The following NEK10 variants were observed in gnomAD, a reference collection of about 807,000 sequenced individuals.
NEK10 encodes NIMA related kinase 10.
Under a neutral mutation model 159.8 loss-of-function variants are expected in NEK10, and 122 were observed. The observed-to-expected ratio is 0.76, with a 90% confidence interval of 0.66 to 0.89. NEK10 has a LOEUF of 0.89. NEK10 is among the 40% of genes least tolerant of loss of function. The pLI is 0.00. For synonymous variants in NEK10, 466 were observed against 457.1 expected (o/e 1.02, Z -0.25); for missense variants, 1,342 against 1,323.1 (o/e 1.01, Z -0.22).
At chr3:27,346,731 A>G (rs1319595151) in intron 3 of NEK10, among the ~76,000 whole-genome samples, 2 of 152,194 alleles carry the variant, frequency 1.3e-5, no homozygotes, top group African/African-American at 4.8e-5. Context: ...AATATTTACC[A>G]GGTGTACACA....
At chr3:27,248,411 T>G (rs563682884) in intron 23 of NEK10, among the ~76,000 whole-genome samples, 2 of 152,168 alleles carry the variant, frequency 1.3e-5, no homozygotes, top group Non-Finnish European at 2.9e-5. Flanking sequence ...TTGGGTTTCA[T>G]TTGCTTTGGC....
intron 6 of NEK10, among the ~76,000 whole-genome samples, chr3:27,320,375 C>G (rs1333811462): frequency 1.3e-5 from 2 of 152,174 alleles, no homozygotes; most frequent in Non-Finnish European, 2.9e-5. Flanking sequence ...TTTGCTAGTT[C>G]AAGTCAGATT....
At chr3:27,240,034 A>T (rs1954375542) in intron 23 of NEK10, among the ~76,000 whole-genome samples, 1 of 152,250 alleles carries the variant, frequency 6.6e-6, no homozygotes, top group African/African-American at 2.4e-5. Flanking sequence ...GAAAGGACTC[A>T]AACTAAATGT....
At position 27,308,947 on chromosome 3, in the gene NEK10, G is replaced by T. The variant is rs1316850110; in HGVS notation, c.695C>A (p.Ala232Asp). 4 of 1,594,202 alleles carry T rather than the reference G, an allele frequency of 2.5e-6. No homozygotes were observed. The change falls in exon 10 of 36, where the codon GCT becomes GAT. Residue 232 changes from alanine (A) to aspartate (D), a missense_variant. By Grantham distance (126) the Ala-to-Asp change is moderately radical. Coordinates refer to ENST00000691995, the MANE Select transcript of NEK10 (RefSeq NM_001394966.1). ...DTNVLLGSLL[A>D]LASLAESQEC... The stretch of plus-strand genomic sequence containing the variant: ...TTACCTTTCTGCTAAACTAGCCAGA[G>T]CCAGAAGGGAACCCAATAGAACATT...
At chr3:27,321,529 C>T (rs541382760) in intron 6 of NEK10, among the ~76,000 whole-genome samples, 87 of 152,210 alleles carry the variant, frequency 5.7e-4, no homozygotes, top group African/African-American at 1.7e-3. Flanking sequence ...AAATATTAGC[C>T]GGACATGGTG....
chr3:27,363,011 AAAG>A (rs1355235019), intron 1 of NEK10, among the ~76,000 whole-genome samples: 1 of 152,178 alleles, frequency 6.6e-6, no homozygotes, highest in Non-Finnish European at 1.5e-5. Flanking sequence ...CCTGGGATAA[AAAG>A]AAAATTTACC....
At chr3:27,354,701 C>T (rs768959763) in intron 1 of NEK10, among the ~76,000 whole-genome samples, 3 of 152,184 alleles carry the variant, frequency 2.0e-5, no homozygotes, top group Non-Finnish European at 4.4e-5. Context: ...TGCCCAAAGG[C>T]AGACAATGTA....
At chr3:27,135,211 G>A (rs1331449583) in intron 31 of NEK10, among the ~76,000 whole-genome samples, 1 of 152,098 alleles carries the variant, frequency 6.6e-6, no homozygotes, top group Non-Finnish European at 1.5e-5. Flanking sequence ...TTGAGCCCAG[G>A]AGAGTTCAAG....
At chr3:27,115,747 C>G (rs1940316542) in intron 35 of NEK10, among the ~76,000 whole-genome samples, 193 bp downstream of exon 35, 1 of 152,116 alleles carries the variant, frequency 6.6e-6, no homozygotes, top group Non-Finnish European at 1.5e-5. Flanking sequence ...AATACAGCAA[C>G]TGTGTCCACA....
At chr3:27,155,673 T>C (rs892344879) in intron 30 of NEK10, among the ~76,000 whole-genome samples, 2 of 152,002 alleles carry the variant, frequency 1.3e-5, no homozygotes, top group Non-Finnish European at 2.9e-5. Flanking sequence ...CATCCCATGC[T>C]CAGGGATGAG....
chr3:27,111,321 C>T lies in NEK10; in HGVS notation c.3300-1G>A. ...GGTCCCCCATGGATAGGAATGATACCTATAAGATTCAGAAGTGGAAAGAAT... is the reference window on the plus strand; with the variant it reads ...GGTCCCCCATGGATAGGAATGATACTTATAAGATTCAGAAGTGGAAAGAAT... On this transcript the variant is annotated splice_acceptor_variant, in intron 35 of 35. Coordinates refer to ENST00000691995, the MANE Select transcript of NEK10 (RefSeq NM_001394966.1). LOFTEE classifies it high-confidence loss of function. 1 of 1,586,638 alleles carries T rather than the reference C, an allele frequency of 6.3e-7. No homozygotes were observed. The highest frequency in any genetic ancestry group is 1.2e-5 in the South Asian group (1 of 86,932).
intron 30 of NEK10, among the ~76,000 whole-genome samples, chr3:27,146,888 G>C (rs974129608): frequency 6.6e-6 from 1 of 152,192 alleles, no homozygotes; most frequent in African/African-American, 2.4e-5. Flanking sequence ...GGCTGCAACT[G>C]AAGAACAGCA....
intron 1 of NEK10, among the ~76,000 whole-genome samples, chr3:27,360,001 G>T (rs1159220886): frequency 6.6e-6 from 1 of 152,158 alleles, no homozygotes; most frequent in African/African-American, 2.4e-5. Context: ...CAAATTGCTG[G>T]AAAATAAACA....
intron 13 of NEK10, among the ~76,000 whole-genome samples, chr3:27,298,835 G>T: frequency 6.6e-6 from 1 of 152,146 alleles, no homozygotes; most frequent in East Asian, 1.9e-4. Context: ...CTAGAGATCT[G>T]TGGAACTTTG....
Position 27,192,152 on chromosome 3 carries a change from T to C in NEK10, c.2382A>G (p.Leu794=), listed in dbSNP as rs752345754. Residue 794 remains leucine (L), a synonymous_variant, in exon 26 of 36, where the codon TTA becomes TTG. Coordinates refer to ENST00000691995, the MANE Select transcript of NEK10 (RefSeq NM_001394966.1). ...SDVMMKYLDN[L]STSQLSLEKK... is the part of the protein sequence containing the mutation. ...TTTCCAAGGACAACTGGGATGTAGA[T>C]AAGTTGTCTAAATATTTCATCATGA... 1.2e-6 allele frequency: 2 copies of C among 1,613,854 alleles called. No homozygotes were observed. The highest frequency in any genetic ancestry group is 2.2e-5 in the East Asian group (1 of 44,892).
intron 1 of NEK10, among the ~76,000 whole-genome samples, chr3:27,354,479 T>C (rs7611368): frequency 0.8 from 121,605 of 152,146 alleles, 50,257 homozygotes; most frequent in East Asian, 0.93. Context: ...CAGAAACAGA[T>C]AATTGTCTTT....
At position 27,202,522 on chromosome 3, in the gene NEK10, T is replaced by C. The variant is rs774753735; in HGVS notation, c.2126A>G (p.Lys709Arg). ...EVLKSEPYGEKADVWAVGCIL... is the reference protein window; with the variant it reads ...EVLKSEPYGERADVWAVGCIL... ...GCAGCCTACTGCCCAGACATCAGCC[T>C]TCTCCCCATACGGCTCACTCTTCAG... The change falls in exon 24 of 36, where the codon AAG becomes AGG. Residue 709 changes from lysine (K) to arginine (R), a missense_variant. Transcript: ENST00000691995. 6.2e-7 allele frequency: 1 copy of C among 1,612,638 alleles called. No homozygotes were observed. Among genetic ancestry groups the C allele is most frequent in the South Asian group, 1.1e-5 (1 of 90,798 alleles).
intron 23 of NEK10, chr3:27,214,977 C>T (rs1208924737): frequency 2.8e-6 from 2 of 713,078 alleles, no homozygotes; most frequent in Non-Finnish European, 2.6e-6. Context: ...CGACCACATC[C>T]GCCAGGCACC....
At chr3:27,288,282 T>C (rs2042760531) in intron 19 of NEK10, among the ~76,000 whole-genome samples, 1 of 152,228 alleles carries the variant, frequency 6.6e-6, no homozygotes. Context: ...ATAATAACAG[T>C]TGACAAGGAC....
Sources: gnomAD v4.1 joint callset for allele counts (sites outside exome capture counted in the v4.1 genomes callset) on GRCh38, gnomAD v4.1.1 for gene constraint, MANE v1.5 for transcripts, NCBI Gene and HGNC (gene_info 2026-07-23, HGNC 2026-07-21) for gene names.